The following RAD51C variants were observed in gnomAD, a reference collection of about 807,000 sequenced individuals.
The protein encoded by RAD51C is RAD51 paralog C.
Under a neutral mutation model 45.0 loss-of-function variants are expected in RAD51C, and 42 were observed. That is an observed-to-expected ratio of 0.93 (90% CI 0.73 to 1.21). The LOEUF (loss-of-function observed/expected upper bound fraction) is 1.21. Ranked by LOEUF, RAD51C falls within the 50% of genes most tolerant of loss-of-function variation. The probability of loss-of-function intolerance (pLI) is 0.00; values close to 1 mark genes in which losing one functional copy is unlikely to be tolerated. For missense variants in RAD51C, 474 were observed against 452.2 expected (o/e 1.05, Z -0.44); for synonymous variants, 172 against 159.8 (o/e 1.08, Z -0.58).
intron 3 of RAD51C, among the ~76,000 whole-genome samples, chr17:58,697,559 C>CCA (rs1555595180): frequency 5.9e-5 from 8 of 136,010 alleles, no homozygotes; most frequent in African/African-American, 8.2e-5. Context: ...AAAAAAAAAC[C>CCA]AAAAAAAAAA....
chr17:58,728,975 A>G (rs907293904), intron 7 of RAD51C, among the ~76,000 whole-genome samples: 1 of 152,174 alleles, frequency 6.6e-6, no homozygotes, highest in Admixed American at 6.5e-5. Flanking sequence ...GAGTGGAGTA[A>G]TAAATCAACA....
intron 3 of RAD51C, among the ~76,000 whole-genome samples, chr17:58,697,541 A>T (rs1445974666): frequency 2.2e-4 from 10 of 44,678 alleles, no homozygotes; most frequent in African/African-American, 1.2e-3. Context: ...TCTGTCTCTT[A>T]AAAAAAAAAA....
chr17:58,719,266 A>G (rs533181228), intron 5 of RAD51C, among the ~76,000 whole-genome samples: 1 of 152,092 alleles, frequency 6.6e-6, no homozygotes, highest in African/African-American at 2.4e-5. Flanking sequence ...AGGCTGGGGT[A>G]CGGTGACAGA....
At chr17:58,721,209 G>A (rs774952057) in intron 6 of RAD51C, among the ~76,000 whole-genome samples, 10 of 152,130 alleles carry the variant, frequency 6.6e-5, no homozygotes, top group African/African-American at 9.7e-5. Context: ...TTGAACTTGG[G>A]AGGCGCAGGC....
At chr17:58,695,327 T>G in intron 2 of RAD51C, 138 bp downstream of exon 2, 1 of 1,410,188 alleles carries the variant, frequency 7.1e-7, no homozygotes, top group Non-Finnish European at 9.2e-7. Flanking sequence ...AAACAAAAAT[T>G]AGCTTACTAT....
chr17:58,713,726 T>C (rs2143879049), intron 5 of RAD51C, among the ~76,000 whole-genome samples: 1 of 152,208 alleles, frequency 6.6e-6, no homozygotes, highest in Non-Finnish European at 1.5e-5. Context: ...GAGAATCACT[T>C]GAACTCGGGA....
At chr17:58,695,406 T>C in intron 2 of RAD51C, 2 of 1,286,922 alleles carry the variant, frequency 1.6e-6, no homozygotes, top group Non-Finnish European at 2.0e-6. Context: ...GTGTTTCTTT[T>C]GCAAATTGTA....
chr17:58,693,510 AC>A (rs1467121792), intron 1 of RAD51C: 10 of 152,378 alleles, frequency 6.6e-5, no homozygotes, highest in Non-Finnish European at 1.3e-4. Flanking sequence ...GATGGAAAAT[AC>A]AGAGGTTTCA....
intron 5 of RAD51C, among the ~76,000 whole-genome samples, chr17:58,711,819 C>T (rs149786950): frequency 3.7e-4 from 57 of 152,202 alleles, no homozygotes; most frequent in Middle Eastern, 6.8e-3. Flanking sequence ...GACACACTTT[C>T]CCTCTCTTAC....
chr17:58,724,870 T>C (rs1277709550), intron 7 of RAD51C, among the ~76,000 whole-genome samples: 2 of 152,150 alleles, frequency 1.3e-5, no homozygotes, highest in African/African-American at 4.8e-5. Context: ...TAAAATGGCA[T>C]GTGGGCAAAG....
intron 3 of RAD51C, among the ~76,000 whole-genome samples, chr17:58,697,494 C>T (rs895915803): frequency 6.7e-6 from 1 of 148,788 alleles, no homozygotes; most frequent in Admixed American, 6.7e-5. Flanking sequence ...CCAGATTACG[C>T]CACTGCACTC....
chr17:58,719,115 T>C (rs1019637997), intron 5 of RAD51C, among the ~76,000 whole-genome samples: 2 of 152,140 alleles, frequency 1.3e-5, no homozygotes, highest in African/African-American at 2.4e-5. Flanking sequence ...TCCTAGCTAC[T>C]TGGGAGGCTG....
chr17:58,694,783 A>ATTC, intron 1 of RAD51C, 148 bp from the exon 2 acceptor site: 3 of 892,728 alleles, frequency 3.4e-6, no homozygotes, highest in Non-Finnish European at 5.4e-6. Context: ...CCAAACTGAA[A>ATTC]AATTAAATGG....
intron 5 of RAD51C, among the ~76,000 whole-genome samples, chr17:58,712,250 CA>C (rs1239664955): frequency 6.8e-6 from 1 of 146,540 alleles, no homozygotes; most frequent in Non-Finnish European, 1.5e-5. Context: ...GAGGCTGAGG[CA>C]GGGGAATCAT....
intron 6 of RAD51C, among the ~76,000 whole-genome samples, chr17:58,722,128 A>G (rs2048937643): frequency 1.3e-5 from 2 of 152,150 alleles, no homozygotes; most frequent in African/African-American, 4.8e-5. Flanking sequence ...GTCAAGCAGA[A>G]TGAAGTTTAT....
At position 58,694,941 on chromosome 17, in the gene RAD51C, A is replaced by G. The variant is rs2047940282; in HGVS notation, c.156A>G (p.Ile52Met). The change falls in exon 2 of 9, where the codon ATA becomes ATG. Residue 52 changes from isoleucine to methionine, a missense_variant. Coordinates refer to ENST00000337432, the MANE Select transcript of RAD51C (RefSeq NM_058216.3). ...KPSELSKEVG[I>M]SKAEALETLQ... ...TTATTTTACTTTCAGAAGTTGGGAT[A>G]TCTAAAGCAGAAGCCTTAGAAACTC... The G allele has an allele frequency of 6.2e-7, 1 of 1,613,198 alleles. No homozygotes were observed. Among genetic ancestry groups the G allele is most frequent in the Non-Finnish European group, 8.5e-7 (1 of 1,179,150 alleles).
chr17:58,694,876 G>A (rs1339415865), intron 1 of RAD51C, 55 bp from the exon 2 acceptor site: 1 of 1,432,976 alleles, frequency 7.0e-7, no homozygotes, highest in African/African-American at 1.4e-5. Flanking sequence ...CGATTATCAT[G>A]TTACACTTTT....
intron 3 of RAD51C, among the ~76,000 whole-genome samples, chr17:58,699,718 G>A (rs932329993): frequency 6.6e-6 from 1 of 152,092 alleles, no homozygotes. Context: ...CATTATCAGC[G>A]TACATAACAA....
intron 4 of RAD51C, chr17:58,706,651 C>A: frequency 3.2e-6 from 1 of 315,472 alleles, no homozygotes; most frequent in Non-Finnish European, 6.9e-6. Flanking sequence ...CCTTTGGCAC[C>A]ATTCTTTCCT....
Sources: allele counts gnomAD v4.1 joint callset (sites outside exome capture counted in the v4.1 genomes callset), GRCh38; gene constraint gnomAD v4.1.1; transcripts MANE v1.5; gene names NCBI Gene and HGNC (gene_info 2026-07-23, HGNC 2026-07-21).